SEL1L3: variants seen among roughly 807,000 people sequenced by gnomAD.
SEL1L3 encodes SEL1L family member 3.
SEL1L3 carries 76 observed loss-of-function variants against 142.8 expected under a neutral mutation model. That is an observed-to-expected ratio of 0.53 (90% CI 0.44 to 0.64). SEL1L3 has a LOEUF of 0.64. Among genes scored for constraint, SEL1L3 ranks in the 30% least tolerant of loss-of-function variants. SEL1L3 has a pLI of 0.00. For missense variants in SEL1L3, 1,262 were observed against 1,381.7 expected, an observed-to-expected ratio of 0.91 and a Z score of 1.37; for synonymous variants, 504 against 519.6, an observed-to-expected ratio of 0.97 and a Z score of 0.41.
intron 11 of SEL1L3, among the ~76,000 whole-genome samples, chr4:25,799,999 G>A (rs1272534067): frequency 6.6e-6 from 1 of 152,180 alleles, no homozygotes; most frequent in Admixed American, 6.5e-5. Flanking sequence ...TTAAGCTGCA[G>A]AAACAAACAG....
intron 2 of SEL1L3, among the ~76,000 whole-genome samples, chr4:25,838,577 T>C (rs758745500): frequency 2.0e-5 from 3 of 152,180 alleles, no homozygotes; most frequent in Non-Finnish European, 4.4e-5. Flanking sequence ...TGTGCGGATA[T>C]ACTGGTTGCT....
At chr4:25,842,706 G>A (rs1716247387) in intron 2 of SEL1L3, among the ~76,000 whole-genome samples, 1 of 152,350 alleles carries the variant, frequency 6.6e-6, no homozygotes, top group African/African-American at 2.4e-5. Context: ...TTCCCTCTTG[G>A]TTAAGAGCAT....
At chr4:25,717,320 G>A in the SEL1L3 span, among the ~76,000 whole-genome samples, 2 of 152,162 alleles carry the variant, frequency 1.3e-5, no homozygotes, top group African/African-American at 4.8e-5. Context: ...ATAGGAGTAG[G>A]GAAGAATGGT....
At chr4:25,779,606 T>C (rs1719865015) in intron 15 of SEL1L3, among the ~76,000 whole-genome samples, 1 of 152,140 alleles carries the variant, frequency 6.6e-6, no homozygotes, top group South Asian at 2.1e-4. Flanking sequence ...GCATTTCCAG[T>C]AGGAAGGTGA....
chr4:25,786,400 A>T (rs1245132781), intron 13 of SEL1L3, among the ~76,000 whole-genome samples: 5 of 151,884 alleles, frequency 3.3e-5, no homozygotes, highest in African/African-American at 1.2e-4. Context: ...AGAATGCAGA[A>T]CCCCCCTCTC....
the SEL1L3 span, among the ~76,000 whole-genome samples, chr4:25,717,893 G>A: frequency 6.6e-6 from 1 of 152,144 alleles, no homozygotes; most frequent in African/African-American, 2.4e-5. Flanking sequence ...CATGATCCTT[G>A]TACATAGTAA....
intron 2 of SEL1L3, among the ~76,000 whole-genome samples, chr4:25,845,429 G>A (rs1164428766): frequency 6.6e-6 from 1 of 152,178 alleles, no homozygotes; most frequent in Non-Finnish European, 1.5e-5. Context: ...CCAGGATGTT[G>A]AGGCTATAGT....
chr4:25,714,245 T>C, the SEL1L3 span, among the ~76,000 whole-genome samples: 19 of 152,146 alleles, frequency 1.2e-4, no homozygotes, highest in Non-Finnish European at 2.5e-4. Flanking sequence ...CTTTTTCATA[T>C]ACTCCAAAGT....
At position 25,817,417 on chromosome 4, in the gene SEL1L3, G is replaced by T. The variant is rs537252450; in HGVS notation, c.1564+721C>A. 8.0e-4 allele frequency among the ~76,000 whole-genome samples: 122 copies of T among 152,236 alleles called. 1 individual carries two copies. The highest frequency in any genetic ancestry group is 1.5e-3 in the Non-Finnish European group (104 of 68,016). ...CAGCTGCCTTTCCTCTTCCTAACAGGCATAGTTTTAAGATCCCTCACGTCC... is the reference window on the plus strand; with the variant it reads ...CAGCTGCCTTTCCTCTTCCTAACAGTCATAGTTTTAAGATCCCTCACGTCC... On this transcript the variant is annotated intron_variant, in intron 9 of 23. Transcript: ENST00000399878.
At chr4:25,808,804 G>A (rs184891484) in intron 9 of SEL1L3, among the ~76,000 whole-genome samples, 3 of 152,348 alleles carry the variant, frequency 2.0e-5, no homozygotes, top group Non-Finnish European at 2.9e-5. Context: ...GTGCAGTGGC[G>A]CACGCCTGTA....
At chr4:25,754,452 G>A (rs1006590189) in intron 23 of SEL1L3, among the ~76,000 whole-genome samples, 1 of 151,132 alleles carries the variant, frequency 6.6e-6, no homozygotes, top group Non-Finnish European at 1.5e-5. Context: ...GGGTTCAAGC[G>A]ATTCTCATGC....
At chr4:25,745,866 A>T (rs1238041551), downstream of SEL1L3, among the ~76,000 whole-genome samples, 3 of 152,268 alleles carry the variant, frequency 2.0e-5, no homozygotes, top group Non-Finnish European at 4.4e-5. Flanking sequence ...GTGAGCAGTC[A>T]GCAGCTCATG....
At chr4:25,725,473 G>A in the SEL1L3 span, among the ~76,000 whole-genome samples, 13 of 151,964 alleles carry the variant, frequency 8.6e-5, no homozygotes, top group African/African-American at 1.9e-4. Context: ...GTGTCACCAC[G>A]GCTGGCTATT....
intron 13 of SEL1L3, among the ~76,000 whole-genome samples, chr4:25,786,564 G>C (rs189060814): frequency 1.3e-5 from 2 of 152,156 alleles, no homozygotes; most frequent in Non-Finnish European, 2.9e-5. Context: ...TTTGGACAGC[G>C]ATCGGCCTCC....
At chr4:25,758,463 C>T (rs1438923116) in intron 21 of SEL1L3, among the ~76,000 whole-genome samples, 1 of 152,078 alleles carries the variant, frequency 6.6e-6, no homozygotes, top group Non-Finnish European at 1.5e-5. Context: ...AAAGCAAGGC[C>T]CTGTCTCAAA....
At chr4:25,714,488 CTCTTTCTTTCTT>C in the SEL1L3 span, among the ~76,000 whole-genome samples, 52 of 138,168 alleles carry the variant, frequency 3.8e-4, no homozygotes, top group African/African-American at 1.3e-3. Context: ...TTCTTTCTTT[CTCTTTCTTTCTT>C]TTTCTTTCTT....
chr4:25,735,740 G>C, the SEL1L3 span, among the ~76,000 whole-genome samples: 7 of 148,484 alleles, frequency 4.7e-5, no homozygotes, highest in African/African-American at 1.7e-4. Context: ...CCCAGAGACA[G>C]TTCAGAATAT....
intron 6 of SEL1L3, 134 bp from the exon 7 acceptor site, chr4:25,822,262 A>C: frequency 1.0e-6 from 1 of 1,000,840 alleles, no homozygotes; most frequent in Admixed American, 2.3e-5. Context: ...AGCAGATGAG[A>C]CCAGCGTAGG....
chr4:25,749,268 C>G (rs1008825392), intron 23 of SEL1L3, among the ~76,000 whole-genome samples: 4 of 151,972 alleles, frequency 2.6e-5, no homozygotes, highest in Non-Finnish European at 5.9e-5. Context: ...TCCTGATGAT[C>G]TCTGAGGAAG....
Sources: allele counts gnomAD v4.1 joint callset (sites outside exome capture counted in the v4.1 genomes callset), GRCh38; gene constraint gnomAD v4.1.1; transcripts MANE v1.5; gene names NCBI Gene and HGNC (gene_info 2026-07-23, HGNC 2026-07-21).